MLIP: variants seen among roughly 807,000 people sequenced by gnomAD.
The protein encoded by MLIP is muscular LMNA interacting protein.
MLIP carries 79 observed loss-of-function variants against 84.8 expected under a neutral mutation model. The observed-to-expected ratio is 0.93, with a 90% CI of 0.78 to 1.12. MLIP has a LOEUF of 1.12. Among genes scored for constraint, MLIP ranks in the 50% most tolerant of loss-of-function variants. The probability of loss-of-function intolerance (pLI) is 0.00; values close to 1 mark genes in which losing one functional copy is unlikely to be tolerated. For synonymous variants in MLIP, 504 were observed against 463.0 expected, an observed-to-expected ratio of 1.09 and a Z score of -1.14; for missense variants, 1,257 against 1,160.6, an observed-to-expected ratio of 1.08 and a Z score of -1.21.
chr6:54,133,557 G>T (rs1738816611), intron 3 of MLIP, among the ~76,000 whole-genome samples: 1 of 152,178 alleles, frequency 6.6e-6, no homozygotes, highest in Non-Finnish European at 1.5e-5. Flanking sequence ...TAGCAGATCA[G>T]TCACTTCAGT....
chr6:54,186,516 A>G (rs1777409676), intron 9 of MLIP, among the ~76,000 whole-genome samples: 1 of 152,238 alleles, frequency 6.6e-6, no homozygotes, highest in Non-Finnish European at 1.5e-5. Flanking sequence ...GTAATTTATA[A>G]AGAAAAGAGG....
intron 1 of MLIP, among the ~76,000 whole-genome samples, chr6:54,088,750 G>C (rs1736189489): frequency 6.6e-6 from 1 of 152,162 alleles, no homozygotes; most frequent in Non-Finnish European, 1.5e-5. Context: ...AGAAAAATTA[G>C]TAATCTGTGT....
intron 11 of MLIP, chr6:54,203,490 T>C (rs1778829979): frequency 6.6e-6 from 1 of 152,162 alleles, no homozygotes; most frequent in African/African-American, 2.4e-5. Flanking sequence ...TTTATATTTA[T>C]ATTTATAAAA....
rs1471792307 is a variant in MLIP at position 54,066,660 on chromosome 6, C to T, written c.63+47569C>T. Among the ~76,000 whole-genome samples the T allele has an allele frequency of 2.5e-4, 25 of 99,778 alleles. 8 individuals are homozygous for T. Among genetic ancestry groups the T allele is most frequent in the Non-Finnish European group, 3.7e-4 (13 of 34,710 alleles). The allele number at this position is 99,778 out of a possible 152,430, so 65.5% of individuals were successfully genotyped here. ...ATACTGACTGAGGGAAGGCAATAGACGTTACTCTCAGCATTATATTATAAT... is the reference window on the plus strand; with the variant it reads ...ATACTGACTGAGGGAAGGCAATAGATGTTACTCTCAGCATTATATTATAAT... On this transcript the variant is annotated intron_variant, in intron 1 of 12. Coordinates refer to the MLIP transcript ENST00000274897.
chr6:54,189,013 T>G (rs1324929971), intron 9 of MLIP, among the ~76,000 whole-genome samples: 1 of 152,056 alleles, frequency 6.6e-6, no homozygotes, highest in Non-Finnish European at 1.5e-5. Context: ...CACTCAAGAA[T>G]GAGAACATGA....
chr6:54,136,606 A>G (rs1183841629), intron 3 of MLIP, 109 bp from the exon 4 acceptor site: 7 of 1,081,662 alleles, frequency 6.5e-6, no homozygotes, highest in Non-Finnish European at 6.3e-6. Context: ...GAGGTTTAAG[A>G]TGCCTCCTTT....
intron 1 of MLIP, among the ~76,000 whole-genome samples, chr6:54,020,838 G>A (rs1270110162): frequency 6.6e-6 from 1 of 152,168 alleles, no homozygotes; most frequent in African/African-American, 2.4e-5. Flanking sequence ...CACATCAGAG[G>A]CATACGAACA....
At chr6:54,063,721 CGTGTGTGTGT>C (rs368630379) in intron 1 of MLIP, among the ~76,000 whole-genome samples, 24 of 143,244 alleles carry the variant, frequency 1.7e-4, no homozygotes, top group Admixed American at 6.9e-4. Flanking sequence ...AGGTCAGTGG[CGTGTGTGTGT>C]GTGTGTGTGT....
intron 3 of MLIP, among the ~76,000 whole-genome samples, chr6:54,125,615 T>C (rs1770858504): frequency 2.0e-5 from 3 of 152,160 alleles, no homozygotes; most frequent in East Asian, 3.9e-4. Flanking sequence ...TTTGCTATAA[T>C]GAAAATGTAA....
At chr6:54,208,373 C>T (rs1040087948) in intron 11 of MLIP, among the ~76,000 whole-genome samples, 2 of 152,042 alleles carry the variant, frequency 1.3e-5, no homozygotes, top group Admixed American at 1.3e-4. Flanking sequence ...ATTGCTTGAG[C>T]CCAGGAGTCT....
chr6:54,226,824 T>G (rs1231484037), intron 11 of MLIP, among the ~76,000 whole-genome samples: 1 of 152,172 alleles, frequency 6.6e-6, no homozygotes, highest in Non-Finnish European at 1.5e-5. Flanking sequence ...AACACAAGAT[T>G]GCAGAAACAA....
chr6:54,181,173 T>G (rs190337441), intron 9 of MLIP, among the ~76,000 whole-genome samples: 65 of 152,228 alleles, frequency 4.3e-4, no homozygotes, highest in African/African-American at 1.5e-3. Context: ...CCTTAGAAAT[T>G]TAACTGATGT....
rs888680358 is a variant in MLIP at position 54,137,534 on chromosome 6, C to A, written c.1465C>A (p.Gln489Lys). The A allele has an allele frequency of 4.6e-6, 7 of 1,535,978 alleles. No homozygotes were observed. The highest frequency in any genetic ancestry group is 4.4e-6 in the Non-Finnish European group (5 of 1,146,916). ...GELQVSELTQQSFHLPVFTKS... is the reference protein window; with the variant it reads ...GELQVSELTQKSFHLPVFTKS... ...ACTCCAGGTTTCTGAATTGACCCAG[C>A]AATCTTTTCACCTGCCTGTTTTCAC... is the stretch of plus-strand genomic sequence containing the variant. The change falls in exon 4 of 14, where the codon CAA becomes AAA. Residue 489 changes from glutamine (Q) to lysine (K), a missense_variant. Physicochemically the swap from Gln to Lys is moderately conservative, Grantham distance 53. Coordinates refer to ENST00000502396, the MANE Select transcript of MLIP (RefSeq NM_001281747.2).
At chr6:54,206,030 G>A (rs1779013596) in intron 11 of MLIP, among the ~76,000 whole-genome samples, 1 of 152,080 alleles carries the variant, frequency 6.6e-6, no homozygotes, top group South Asian at 2.1e-4. Flanking sequence ...AAAATTCATT[G>A]GACTAATGGG....
At chr6:54,144,926 C>A (rs1037499355) in intron 4 of MLIP, among the ~76,000 whole-genome samples, 2 of 152,132 alleles carry the variant, frequency 1.3e-5, no homozygotes, top group African/African-American at 4.8e-5. Context: ...ACCTTCAAAC[C>A]CAGAATTTAT....
chr6:54,216,972 TAAATTA>T (rs1300306366), intron 11 of MLIP: 1 of 985,322 alleles, frequency 1.0e-6, no homozygotes, highest in Admixed American at 6.1e-5. Flanking sequence ...GGTGTTGATT[TAAATTA>T]AAACTGTAGC....
intron 11 of MLIP, among the ~76,000 whole-genome samples, chr6:54,223,329 C>G (rs374147623): frequency 1.5e-4 from 23 of 151,090 alleles, no homozygotes; most frequent in African/African-American, 5.6e-4. Flanking sequence ...ATACCCACAA[C>G]AATGTCAAGC....
At chr6:54,035,642 T>G (rs2150291588) in intron 1 of MLIP, among the ~76,000 whole-genome samples, 2 of 152,158 alleles carry the variant, frequency 1.3e-5, no homozygotes, top group South Asian at 4.1e-4. Context: ...TATTATTATT[T>G]TTTGTTTTAG....
chr6:54,239,033 A>G (rs990685006), intron 12 of MLIP, among the ~76,000 whole-genome samples: 5 of 151,998 alleles, frequency 3.3e-5, no homozygotes, highest in African/African-American at 1.2e-4. Flanking sequence ...GTTAAATCCT[A>G]TTGTAAGTTT....
Sources: gnomAD v4.1 joint callset for allele counts (sites outside exome capture counted in the v4.1 genomes callset) on GRCh38, gnomAD v4.1.1 for gene constraint, MANE v1.5 for transcripts, NCBI Gene and HGNC (gene_info 2026-07-23, HGNC 2026-07-21) for gene names.